NFIB: variants seen among roughly 807,000 people sequenced by gnomAD.
NFIB encodes nuclear factor 1 B-type.
In NFIB, 11 loss-of-function variants were observed where a neutral mutation model predicts 61.5. That is an observed-to-expected ratio of 0.18 (90% confidence interval 0.11 to 0.30). The LOEUF (loss-of-function observed/expected upper bound fraction) is 0.30. NFIB is among the 10% of genes least tolerant of loss of function. The probability of loss-of-function intolerance (pLI) is 1.00; values close to 1 mark genes in which losing one functional copy is unlikely to be tolerated. For synonymous variants in NFIB, 260 were observed against 216.5 expected (o/e 1.20, Z -1.76); for missense variants, 471 against 608.9 (o/e 0.77, Z 2.38).
At chr9:14,158,180 T>C (rs549563056) in intron 3 of NFIB, among the ~76,000 whole-genome samples, 3 of 151,774 alleles carry the variant, frequency 2.0e-5, no homozygotes, top group African/African-American at 7.3e-5. Flanking sequence ...ACAGCTCATA[T>C]ACTTAACCAG....
the NFIB span, among the ~76,000 whole-genome samples, chr9:14,478,907 G>A: frequency 6.6e-6 from 1 of 152,180 alleles, no homozygotes; most frequent in Non-Finnish European, 1.5e-5. Flanking sequence ...TCACAAAATA[G>A]CATGTGTATT....
intron 4 of NFIB, 68 bp from the exon 5 acceptor site, chr9:14,150,333 A>T (rs1234641133): frequency 6.2e-7 from 1 of 1,603,026 alleles, no homozygotes; most frequent in East Asian, 2.2e-5. Context: ...AAATGTAATA[A>T]TCGAGAATCT....
At chr9:14,315,700 T>G (rs1282966200), upstream of NFIB, among the ~76,000 whole-genome samples, 1 of 151,108 alleles carries the variant, frequency 6.6e-6, no homozygotes, top group South Asian at 2.1e-4. Flanking sequence ...TCCAGGGATT[T>G]TGAAGAAGGC....
chr9:14,389,912 T>C (rs1210715239), intron 1 of NFIB, among the ~76,000 whole-genome samples: 2 of 152,332 alleles, frequency 1.3e-5, no homozygotes, highest in East Asian at 1.9e-4. Context: ...TGGGCAGTTG[T>C]GTCATGGATA....
At chr9:14,409,449 G>A in the NFIB span, among the ~76,000 whole-genome samples, 1 of 152,150 alleles carries the variant, frequency 6.6e-6, no homozygotes, top group Non-Finnish European at 1.5e-5. Context: ...CAGTTCTACA[G>A]TAGGATATCC....
At chr9:14,145,650 CTTTT>C (rs34440136) in intron 6 of NFIB, among the ~76,000 whole-genome samples, 11 of 125,902 alleles carry the variant, frequency 8.7e-5, no homozygotes, top group Non-Finnish European at 1.2e-4. Context: ...TTCTTTTAGA[CTTTT>C]TTTTTTTTTT....
chr9:14,313,699 C>A lies in NFIB; in HGVS notation c.-188G>T. On this transcript the variant is annotated 5_prime_UTR_variant, in exon 1 of 11. Transcript: ENST00000380953. The surrounding 1 kb of genome is among the most constrained non-coding windows in gnomAD (Gnocchi z 4.5). ...TTAAATAGCCAAAGATTCAAGTTCA[C>A]TCGGCGTGCTAGATTTCCAGGGGTG... The A allele has an allele frequency of 7.0e-7, 1 of 1,428,160 alleles. No homozygotes were observed. 88.5% of individuals were successfully genotyped at this position (1,428,160 alleles called of 1,614,324 possible).
chr9:14,088,453 T>C (rs1267347605), intron 10 of NFIB, 127 bp from the exon 11 acceptor site: 3 of 998,236 alleles, frequency 3.0e-6, no homozygotes, highest in Non-Finnish European at 4.0e-6. Flanking sequence ...TTTTCAAAAT[T>C]ACAGTCTAAT....
intron 2 of NFIB, among the ~76,000 whole-genome samples, chr9:14,296,475 G>T (rs573140950): frequency 6.6e-6 from 1 of 152,190 alleles, no homozygotes; most frequent in Non-Finnish European, 1.5e-5. Flanking sequence ...AAATTCCTAC[G>T]TTGAAATCCT....
intron 2 of NFIB, among the ~76,000 whole-genome samples, chr9:14,250,036 C>CT (rs2055408664): frequency 6.6e-6 from 1 of 152,184 alleles, no homozygotes; most frequent in African/African-American, 2.4e-5. Context: ...CCTCGAGTCT[C>CT]TTTCTTCTTT....
chr9:14,128,995 GTAAT>G (rs2040054793), intron 6 of NFIB, among the ~76,000 whole-genome samples: 1 of 152,060 alleles, frequency 6.6e-6, no homozygotes, highest in Non-Finnish European at 1.5e-5. Flanking sequence ...CTTTTACTGA[GTAAT>G]TATTATGGGT....
chr9:14,531,495 C>G, the NFIB span, among the ~76,000 whole-genome samples: 1 of 151,940 alleles, frequency 6.6e-6, no homozygotes, highest in African/African-American at 2.4e-5. Context: ...ATGAGGGAGC[C>G]GCACACAACA....
At chr9:14,340,986 T>C (rs964574166) in intron 1 of NFIB, among the ~76,000 whole-genome samples, 1 of 152,172 alleles carries the variant, frequency 6.6e-6, no homozygotes, top group African/African-American at 2.4e-5. Context: ...GTTGTACCCA[T>C]TGCAGTAACA....
chr9:14,215,545 G>C (rs989528015), intron 2 of NFIB, among the ~76,000 whole-genome samples: 1 of 152,124 alleles, frequency 6.6e-6, no homozygotes, highest in Non-Finnish European at 1.5e-5. Flanking sequence ...TGCAAAGAAA[G>C]TTGAAAGTAT....
At chr9:14,394,591 A>G (rs967244873) in intron 1 of NFIB, among the ~76,000 whole-genome samples, 15 of 152,208 alleles carry the variant, frequency 9.9e-5, no homozygotes, top group Non-Finnish European at 1.9e-4. Flanking sequence ...CCATGATTCA[A>G]TTATCTCCAC....
chr9:14,279,211 A>C (rs2058206696), intron 2 of NFIB, among the ~76,000 whole-genome samples: 1 of 152,158 alleles, frequency 6.6e-6, no homozygotes, highest in Non-Finnish European at 1.5e-5. Flanking sequence ...AGTCACTGGT[A>C]ATGGAACCAA....
At chr9:14,115,621 A>T (rs889558713) in intron 9 of NFIB, among the ~76,000 whole-genome samples, 8 of 151,076 alleles carry the variant, frequency 5.3e-5, no homozygotes, top group African/African-American at 1.5e-4. Flanking sequence ...AAAAGGTTTT[A>T]AAAAAAAAGC....
chr9:14,424,977 T>C, the NFIB span, among the ~76,000 whole-genome samples: 10 of 151,724 alleles, frequency 6.6e-5, no homozygotes, highest in East Asian at 3.9e-4. Flanking sequence ...TGTTCCAATC[T>C]CCCCCCCTGG....
chr9:14,523,847 T>C, the NFIB span, among the ~76,000 whole-genome samples: 2 of 152,182 alleles, frequency 1.3e-5, no homozygotes, highest in Admixed American at 6.5e-5. Flanking sequence ...TGCAGAGAAA[T>C]ACAAACTTAT....
Sources: gnomAD v4.1 joint callset for allele counts (sites outside exome capture counted in the v4.1 genomes callset) on GRCh38, gnomAD v4.1.1 for gene constraint, Gnocchi (gnomAD v3.1) non-coding constraint, MANE v1.5 for transcripts, NCBI Gene and HGNC (gene_info 2026-07-23, HGNC 2026-07-21) for gene names.